The following PPP1R9A variants were observed in gnomAD, a reference collection of about 807,000 sequenced individuals.
PPP1R9A encodes neurabin-1.
In PPP1R9A, 59 loss-of-function variants were observed where a neutral mutation model predicts 141.9. The ratio of observed to expected loss-of-function variants is 0.42; its 90% CI spans 0.34 to 0.52. The LOEUF is 0.52. PPP1R9A is among the 20% of genes least tolerant of loss of function. PPP1R9A has a pLI of 0.10. For missense variants in PPP1R9A, 1,444 were observed against 1,611.9 expected (o/e 0.90, Z 1.78); for synonymous variants, 500 against 569.7 (o/e 0.88, Z 1.74).
chr7:95,268,912 AGCATTATCT>A (rs1801716246), intron 13 of PPP1R9A, among the ~76,000 whole-genome samples: 1 of 152,162 alleles, frequency 6.6e-6, no homozygotes, highest in Non-Finnish European at 1.5e-5. Context: ...ACTAACCAAG[AGCATTATCT>A]GTATTGTCAT....
chr7:94,973,648 G>A (rs1799109175), intron 2 of PPP1R9A, among the ~76,000 whole-genome samples: 1 of 151,954 alleles, frequency 6.6e-6, no homozygotes, highest in South Asian at 2.1e-4. Context: ...CTTTATTTAT[G>A]GTATATAAGT....
chr7:95,230,482 C>A lies in PPP1R9A; in HGVS notation c.2112+4366C>A, dbSNP rs114190357. ...ATAAATAAAAAAACAGTCACAACTT[C>A]TGGAAATCAAGGACACACACAAATG... On this transcript the variant is annotated intron_variant, in intron 8 of 19. Coordinates refer to ENST00000433360, the MANE Select transcript of PPP1R9A (RefSeq NM_001166160.2). Among the ~76,000 whole-genome samples the A allele has an allele frequency of 1.0e-2, 1,514 of 152,036 alleles. 36 individuals are homozygous for A. Among genetic ancestry groups the A allele is most frequent in the African/African-American group, 0.035 (1,462 of 41,486 alleles).
chr7:95,092,707 T>G (rs1248332059), intron 2 of PPP1R9A, among the ~76,000 whole-genome samples: 1 of 152,186 alleles, frequency 6.6e-6, no homozygotes, highest in Non-Finnish European at 1.5e-5. Flanking sequence ...GATGGCAGAT[T>G]TAAACAAGAA....
chr7:95,260,474 T>C (rs948622930), intron 12 of PPP1R9A, among the ~76,000 whole-genome samples: 1 of 151,320 alleles, frequency 6.6e-6, no homozygotes, highest in Admixed American at 6.6e-5. Flanking sequence ...AGGTCAGGAG[T>C]TCAAGACCAG....
intron 16 of PPP1R9A, among the ~76,000 whole-genome samples, chr7:95,282,996 T>A (rs942196239): frequency 6.6e-6 from 1 of 152,158 alleles, no homozygotes; most frequent in African/African-American, 2.4e-5. Context: ...GGGACAGAAG[T>A]TGTCTGGCTG....
At chr7:95,182,880 C>T (rs1253826157) in intron 5 of PPP1R9A, among the ~76,000 whole-genome samples, 1 of 152,156 alleles carries the variant, frequency 6.6e-6, no homozygotes, top group African/African-American at 2.4e-5. Flanking sequence ...GAGGCATTTT[C>T]TGGTGTCACT....
chr7:95,175,745 C>T (rs578078586), intron 5 of PPP1R9A, among the ~76,000 whole-genome samples: 34 of 152,176 alleles, frequency 2.2e-4, no homozygotes, highest in African/African-American at 7.5e-4. Context: ...ATCTGCTACC[C>T]ATGATCAATA....
intron 2 of PPP1R9A, among the ~76,000 whole-genome samples, chr7:95,014,125 T>G (rs563280985): frequency 6.6e-6 from 1 of 152,184 alleles, no homozygotes; most frequent in African/African-American, 2.4e-5. Flanking sequence ...GTCAGAAACT[T>G]AACATTGATA....
chr7:95,101,848 ACATGTATTAAT>A (rs1328777360), intron 2 of PPP1R9A, among the ~76,000 whole-genome samples: 2 of 152,130 alleles, frequency 1.3e-5, no homozygotes, highest in African/African-American at 4.8e-5. Context: ...TATGATTTTT[ACATGTATTAAT>A]CTTTACATTT....
intron 2 of PPP1R9A, among the ~76,000 whole-genome samples, chr7:94,949,564 T>G (rs1423277882): frequency 6.6e-6 from 1 of 152,130 alleles, no homozygotes; most frequent in East Asian, 1.9e-4. Context: ...TGACTTACTT[T>G]AGAGACTATG....
intron 13 of PPP1R9A, 113 bp from the exon 14 acceptor site, chr7:95,269,094 A>C: frequency 1.9e-6 from 2 of 1,026,130 alleles, no homozygotes; most frequent in Non-Finnish European, 2.8e-6. Context: ...AATCAACAAA[A>C]ACTGGTTTTC....
chr7:95,150,469 A>AT (rs1387970517), intron 4 of PPP1R9A, among the ~76,000 whole-genome samples: 2 of 151,824 alleles, frequency 1.3e-5, no homozygotes, highest in Non-Finnish European at 2.9e-5. Flanking sequence ...TGCCTGGCTA[A>AT]TTTTTTTGTA....
At chr7:95,247,437 CTTAG>C in intron 8 of PPP1R9A, 32 bp from the exon 9 acceptor site, 2 of 1,528,984 alleles carry the variant, frequency 1.3e-6, no homozygotes, top group Non-Finnish European at 1.8e-6. Flanking sequence ...GATACACTTT[CTTAG>C]TTCAGATTTT....
At chr7:95,179,666 A>G (rs1833427080) in intron 5 of PPP1R9A, among the ~76,000 whole-genome samples, 1 of 152,094 alleles carries the variant, frequency 6.6e-6, no homozygotes, top group African/African-American at 2.4e-5. Flanking sequence ...AAAAGAATTC[A>G]GCAAAGTTTC....
rs1801666881 is a variant in PPP1R9A, at chr7:95,268,621, G to C, written c.2737G>C (p.Val913Leu). Reference sequence around the variant, plus strand: ...ACTGAAAACTCGAGCCCAGCTCTCTGTGAAGAACAGACGCCAGAGACCCTC... The same window carrying C: ...ACTGAAAACTCGAGCCCAGCTCTCTCTGAAGAACAGACGCCAGAGACCCTC... ...KALKTRAQLSVKNRRQRPSRT... is the reference protein window; with the variant it reads ...KALKTRAQLSLKNRRQRPSRT... The change falls in exon 13 of 20, where the codon GTG (valine) becomes CTG (leucine). Residue 913 changes from valine (V) to leucine (L), a missense_variant. Transcript: ENST00000433360. The C allele has an allele frequency of 6.2e-7, 1 of 1,613,412 alleles. No homozygotes were observed. The highest frequency in any genetic ancestry group is 1.3e-5 in the African/African-American group (1 of 74,886).
intron 2 of PPP1R9A, among the ~76,000 whole-genome samples, chr7:94,956,434 A>C (rs1235741184): frequency 6.6e-6 from 1 of 152,060 alleles, no homozygotes; most frequent in Non-Finnish European, 1.5e-5. Context: ...AATTTATCTA[A>C]ACAAATGGAT....
At position 95,143,735 on chromosome 7, in the gene PPP1R9A, G is replaced by C. The variant is rs576280457; in HGVS notation, c.1650-18132G>C. Among the ~76,000 whole-genome samples, 3 of 152,140 alleles carry C rather than the reference G, an allele frequency of 2.0e-5. No individual in the cohort carries two copies. The East Asian group carries it at 5.8e-4, about 29-fold the overall frequency. ...TTATTACCTGGGCTGGTACTTCCTG[G>C]GCATTATTATCTAGCAAGTATAATA... On this transcript the variant is annotated intron_variant, in intron 4 of 19. Coordinates refer to ENST00000433360, the MANE Select transcript of PPP1R9A (RefSeq NM_001166160.2).
rs1316887729 is a variant in PPP1R9A, at chr7:95,290,704, T to A, written c.*401T>A. 4.8e-6 allele frequency: 1 copy of A among 207,712 alleles called. No individual in the cohort carries two copies. The highest frequency in any genetic ancestry group is 1.1e-4 in the East Asian group (1 of 8,970). The allele number at this position is 207,712 out of a possible 1,614,324, so 12.9% of individuals were successfully genotyped here. ...TCAGTGTGGGATCCTGAAATGGCAA[T>A]TGCACATGTCTGCATGGCAGAGAGC... is the stretch of plus-strand genomic sequence containing the variant. On this transcript the variant is annotated 3_prime_UTR_variant, in exon 20 of 20. Transcript: ENST00000433360.
At chr7:94,912,601 TC>T (rs1791590527) in intron 2 of PPP1R9A, among the ~76,000 whole-genome samples, 1 of 152,136 alleles carries the variant, frequency 6.6e-6, no homozygotes, top group South Asian at 2.1e-4. Context: ...TTTGGGACCT[TC>T]CATATAAGGC....
Sources: gnomAD v4.1 joint callset for allele counts (sites outside exome capture counted in the v4.1 genomes callset) on GRCh38, gnomAD v4.1.1 for gene constraint, MANE v1.5 for transcripts, NCBI Gene and HGNC (gene_info 2026-07-23, HGNC 2026-07-21) for gene names.